The following TBC1D21 variants were observed in gnomAD, a reference collection of about 807,000 sequenced individuals.
TBC1D21 encodes TBC1 domain family member 21.
TBC1D21 carries 38 observed loss-of-function variants against 46.0 expected under a neutral mutation model. The ratio of observed to expected loss-of-function variants is 0.83; its 90% CI spans 0.64 to 1.08. The LOEUF is 1.08. Among genes scored for constraint, TBC1D21 ranks in the 50% least tolerant of loss-of-function variants. TBC1D21 has a pLI of 0.00. For synonymous variants in TBC1D21, 151 were observed against 157.2 expected (o/e 0.96, Z 0.29); for missense variants, 415 against 417.9 (o/e 0.99, Z 0.06).
Position 73,886,185 on chromosome 15 carries a change from C to G in TBC1D21, c.676+11C>G. 6.2e-7 allele frequency: 1 copy of G among 1,612,822 alleles called. No homozygotes were observed. The highest frequency in any genetic ancestry group is 8.5e-7 in the Non-Finnish European group (1 of 1,178,828). On this transcript the variant is annotated intron_variant, in intron 7 of 10. Coordinates refer to ENST00000300504, the MANE Select transcript of TBC1D21 (RefSeq NM_153356.3). Reference sequence around the variant, plus strand: ...TTGCTGAGCACCTAAGTGAGTGGTTCCCACCTCCTGCCACCTCACGCACCC... The same window carrying G: ...TTGCTGAGCACCTAAGTGAGTGGTTGCCACCTCCTGCCACCTCACGCACCC...
the TBC1D21 span, among the ~76,000 whole-genome samples, chr15:73,906,279 C>T: frequency 6.6e-6 from 1 of 152,094 alleles, no homozygotes; most frequent in African/African-American, 2.4e-5. Context: ...ACAGGAGGGG[C>T]TAGGGAAGTG....
chr15:73,900,282 T>G, the TBC1D21 span, among the ~76,000 whole-genome samples: 1 of 152,156 alleles, frequency 6.6e-6, no homozygotes, highest in Non-Finnish European at 1.5e-5. Context: ...TGGCAGATGG[T>G]GCCTTCGTGC....
the TBC1D21 span, among the ~76,000 whole-genome samples, chr15:73,902,716 T>C: frequency 6.6e-6 from 1 of 152,242 alleles, no homozygotes; most frequent in Non-Finnish European, 1.5e-5. Context: ...TCTGCTCCCC[T>C]GGAGAGCAGA....
At chr15:73,899,074 C>T in the TBC1D21 span, among the ~76,000 whole-genome samples, 2 of 151,928 alleles carry the variant, frequency 1.3e-5, no homozygotes, top group African/African-American at 2.4e-5. Context: ...TGCTCAGAAG[C>T]GCGTGTGGCT....
chr15:73,884,745 C>A (rs2068211944), intron 4 of TBC1D21, 36 bp from the exon 5 acceptor site: 4 of 1,490,694 alleles, frequency 2.7e-6, no homozygotes, highest in South Asian at 1.1e-5. Context: ...TGGATGTGAT[C>A]TGGTGCCACC....
chr15:73,905,048 C>T, the TBC1D21 span, among the ~76,000 whole-genome samples: 3 of 152,252 alleles, frequency 2.0e-5, no homozygotes, highest in Admixed American at 1.3e-4. Context: ...GCAGAGGGGG[C>T]CCAGGAGGGT....
chr15:73,876,970 A>T (rs77425516), intron 1 of TBC1D21, among the ~76,000 whole-genome samples: 9,925 of 152,184 alleles, frequency 0.065, 789 homozygotes, highest in East Asian at 0.2. Flanking sequence ...CAAACAGCTT[A>T]GGGTTCAAAC....
chr15:73,900,954 C>A, the TBC1D21 span, among the ~76,000 whole-genome samples: 1 of 152,146 alleles, frequency 6.6e-6, no homozygotes, highest in African/African-American at 2.4e-5. Context: ...CACTTAATGA[C>A]AATTATAGAA....
chr15:73,903,759 C>T, the TBC1D21 span, among the ~76,000 whole-genome samples: 3 of 152,170 alleles, frequency 2.0e-5, no homozygotes, highest in South Asian at 6.2e-4. Context: ...TTTCCAGCCT[C>T]AAATGTATAT....
the TBC1D21 span, among the ~76,000 whole-genome samples, chr15:73,898,880 A>AAAAAAAAATAT: frequency 7.0e-4 from 40 of 56,802 alleles, no homozygotes; most frequent in South Asian, 1.2e-3. Flanking sequence ...AAAAAAAAAA[A>AAAAAAAAATAT]ATATATATAT....
intron 1 of TBC1D21, among the ~76,000 whole-genome samples, chr15:73,879,847 C>T (rs992659293): frequency 6.6e-6 from 1 of 151,708 alleles, no homozygotes; most frequent in Non-Finnish European, 1.5e-5. Flanking sequence ...AAGGAATCTT[C>T]TCTTATTCCA....
At chr15:73,877,362 C>A (rs1433339699) in intron 1 of TBC1D21, among the ~76,000 whole-genome samples, 1 of 151,664 alleles carries the variant, frequency 6.6e-6, no homozygotes, top group Non-Finnish European at 1.5e-5. Flanking sequence ...AAAGCAATTT[C>A]TTTTGACTCC....
the TBC1D21 span, among the ~76,000 whole-genome samples, chr15:73,894,768 C>A: frequency 1.3e-5 from 2 of 152,194 alleles, no homozygotes; most frequent in African/African-American, 4.8e-5. Context: ...TCTGGACCAG[C>A]CCCCATGGCA....
At chr15:73,898,902 T>TATATATATATATATATACAC in the TBC1D21 span, among the ~76,000 whole-genome samples, 4 of 112,878 alleles carry the variant, frequency 3.5e-5, no homozygotes, top group Non-Finnish European at 7.2e-5. Flanking sequence ...TATATATATA[T>TATATATATATATATATACAC]ACACACACAC....
Position 73,888,600 on chromosome 15 carries a change from C to T in TBC1D21, c.978+87C>T, listed in dbSNP as rs1045389692. On this transcript the variant is annotated intron_variant, in intron 10 of 10. Coordinates refer to ENST00000300504, the MANE Select transcript of TBC1D21 (RefSeq NM_153356.3). ...CCTCCTCTTCCTCCTCCTCCTCCTC[C>T]TCCTCTTCTTCCTCCTCCTCCTCTT... 6.1e-4 allele frequency: 539 copies of T among 886,258 alleles called. 8 individuals are homozygous for T. In the East Asian group the frequency reaches 0.014, roughly 22 times the overall value. 54.9% of individuals were successfully genotyped at this position (886,258 alleles called of 1,614,324 possible).
the TBC1D21 span, among the ~76,000 whole-genome samples, chr15:73,904,210 AC>A: frequency 6.6e-6 from 1 of 152,198 alleles, no homozygotes; most frequent in African/African-American, 2.4e-5. Context: ...TGAGTCAGCC[AC>A]AAGGAAGAAC....
chr15:73,890,660 G>T (rs923523386), downstream of TBC1D21, among the ~76,000 whole-genome samples: 1 of 152,188 alleles, frequency 6.6e-6, no homozygotes, highest in Non-Finnish European at 1.5e-5. Flanking sequence ...TTTTAGACTG[G>T]TGACTTCAGA....
chr15:73,907,410 C>T, the TBC1D21 span, among the ~76,000 whole-genome samples: 109 of 152,282 alleles, frequency 7.2e-4, no homozygotes, highest in African/African-American at 2.6e-3. Context: ...AAGTGTGAAA[C>T]GGGCATAGAC....
intron 7 of TBC1D21, 152 bp from the exon 8 acceptor site, chr15:73,886,360 T>C: frequency 1.2e-6 from 1 of 851,830 alleles, no homozygotes; most frequent in East Asian, 2.7e-5. Context: ...AAGTTGACTC[T>C]AAACCATCTC....
Sources: gnomAD v4.1 joint callset for allele counts (sites outside exome capture counted in the v4.1 genomes callset) on GRCh38, gnomAD v4.1.1 for gene constraint, MANE v1.5 for transcripts, NCBI Gene and HGNC (gene_info 2026-07-23, HGNC 2026-07-21) for gene names.